VWA8: variants seen among roughly 807,000 people sequenced by gnomAD.
The protein encoded by VWA8 is von Willebrand factor A domain containing 8, also known as von Willebrand factor A domain-containing protein 8.
VWA8 carries 221 observed loss-of-function variants against 241.5 expected under a neutral mutation model. The observed-to-expected ratio is 0.91, with a 90% CI of 0.82 to 1.02. The LOEUF (loss-of-function observed/expected upper bound fraction) is 1.02. VWA8 is among the 50% of genes least tolerant of loss of function. The pLI, the probability that VWA8 is intolerant of heterozygous loss-of-function variation, is 0.00. For missense variants in VWA8, 2,322 were observed against 2,328.7 expected (o/e 1.00, Z 0.06); for synonymous variants, 852 against 827.1 (o/e 1.03, Z -0.52).
chr13:41,746,696 G>C (rs1367720318), intron 21 of VWA8, among the ~76,000 whole-genome samples: 1 of 152,162 alleles, frequency 6.6e-6, no homozygotes, highest in Non-Finnish European at 1.5e-5. Context: ...TAATATTCCA[G>C]CGAAGTGAAA....
At chr13:41,672,977 G>C (rs2045035833) in intron 36 of VWA8, among the ~76,000 whole-genome samples, 1 of 151,878 alleles carries the variant, frequency 6.6e-6, no homozygotes, top group Admixed American at 6.6e-5. Context: ...ACTCTTCATA[G>C]CAAAACTTTA....
intron 2 of VWA8, among the ~76,000 whole-genome samples, chr13:41,940,831 A>G (rs1877563443): frequency 2.0e-5 from 3 of 152,196 alleles, no homozygotes; most frequent in Non-Finnish European, 4.4e-5. Flanking sequence ...ATATGGTACC[A>G]TCATCATCTT....
At chr13:41,810,099 C>G (rs759215315) in intron 17 of VWA8, among the ~76,000 whole-genome samples, 1 of 151,856 alleles carries the variant, frequency 6.6e-6, no homozygotes, top group Non-Finnish European at 1.5e-5. Flanking sequence ...TAGGCAATAA[C>G]AAATACCAGC....
chr13:41,784,697 CATATATATATAT>C (rs59582293), intron 18 of VWA8, among the ~76,000 whole-genome samples: 589 of 57,036 alleles, frequency 0.01, 19 homozygotes, highest in East Asian at 0.037. Context: ...TATACATATA[CATATATATATAT>C]ATATATATAT....
intron 44 of VWA8, among the ~76,000 whole-genome samples, chr13:41,568,655 A>C (rs1256167610): frequency 6.6e-6 from 1 of 152,176 alleles, no homozygotes; most frequent in Non-Finnish European, 1.5e-5. Flanking sequence ...GAATCAGCTC[A>C]CCTCCCGGGT....
At chr13:41,909,529 A>T (rs578066057) in intron 3 of VWA8, among the ~76,000 whole-genome samples, 17 of 152,350 alleles carry the variant, frequency 1.1e-4, no homozygotes, top group Non-Finnish European at 1.8e-4. Context: ...TCTGGAACAC[A>T]TCACTAGTAT....
intron 17 of VWA8, among the ~76,000 whole-genome samples, chr13:41,792,790 TATTA>T (rs762767891): frequency 1.3e-5 from 2 of 152,088 alleles, no homozygotes; most frequent in Non-Finnish European, 2.9e-5. Flanking sequence ...ACATGATATT[TATTA>T]GATTATTCTT....
chr13:41,617,703 T>C (rs2044630466), intron 37 of VWA8, among the ~76,000 whole-genome samples: 3 of 152,116 alleles, frequency 2.0e-5, no homozygotes, highest in African/African-American at 2.4e-5. Context: ...AGTGTTCTCA[T>C]TGTTCAATTC....
At chr13:41,618,958 CT>C (rs1387986780) in intron 37 of VWA8, among the ~76,000 whole-genome samples, 1 of 152,192 alleles carries the variant, frequency 6.6e-6, no homozygotes, top group East Asian at 1.9e-4. Context: ...GCAATGTGGG[CT>C]CTTTTTTGTT....
chr13:41,738,717 A>G (rs1255842532), intron 21 of VWA8, among the ~76,000 whole-genome samples: 1 of 152,204 alleles, frequency 6.6e-6, no homozygotes, highest in African/African-American at 2.4e-5. Flanking sequence ...TCTTTGCAGT[A>G]ACATCATTTT....
At chr13:41,749,820 GTAA>G (rs1445935712) in intron 21 of VWA8, among the ~76,000 whole-genome samples, 6 of 142,480 alleles carry the variant, frequency 4.2e-5, no homozygotes, top group African/African-American at 1.0e-4. Context: ...TGGGAATTGA[GTAA>G]TGAGAACACT....
intron 3 of VWA8, among the ~76,000 whole-genome samples, chr13:41,910,452 G>T (rs2138111860): frequency 6.6e-6 from 1 of 152,084 alleles, no homozygotes; most frequent in South Asian, 2.1e-4. Context: ...GGGTGTGGTG[G>T]CATGCGTCAG....
At chr13:41,775,914 C>A (rs1249668788) in intron 20 of VWA8, among the ~76,000 whole-genome samples, 1 of 152,146 alleles carries the variant, frequency 6.6e-6, no homozygotes, top group Non-Finnish European at 1.5e-5. Context: ...ACTGGCTAGG[C>A]ATTAACTTCA....
Position 41,587,558 on chromosome 13 carries a change from AC to A in VWA8, c.5224del (p.Val1742CysfsTer34), listed in dbSNP as rs1310929568. On this transcript the variant is annotated frameshift_variant, in exon 42 of 45. Transcript: ENST00000379310. LOFTEE classifies it high-confidence loss of function. ...DGRLERTMEA[V>X]CMVMEAFENY... ...CTCGAAGGCTTCCATGACCATACAC[AC>A]AGCCTCCATTGTGCGCTCAAGCCGG... 7 of 1,614,188 alleles carry A rather than the reference AC, an allele frequency of 4.3e-6. No individual in the cohort carries two copies. Among genetic ancestry groups the A allele is most frequent in the Admixed American group, 3.3e-5 (2 of 60,024 alleles).
chr13:41,728,099 A>C (rs1566430998), intron 23 of VWA8, among the ~76,000 whole-genome samples: 1 of 152,054 alleles, frequency 6.6e-6, no homozygotes, highest in Non-Finnish European at 1.5e-5. Context: ...AAAAAATGAT[A>C]GTTGTGAAGT....
rs150286625 is a variant in VWA8 at position 41,836,605 on chromosome 13, T to C, written c.1426-3074A>G. Among the ~76,000 whole-genome samples the C allele has an allele frequency of 1.3e-3, 197 of 152,340 alleles. 2 individuals carry two copies. In the East Asian group the frequency reaches 0.032, roughly 25 times the overall value. On this transcript the variant is annotated intron_variant, in intron 12 of 44. Transcript: ENST00000379310. ...GTGCATGATATAAAAAAGCACTATT[T>C]CATTTGGTTATGATTCCAAAGTATT...
At chr13:41,849,499 C>T (rs543019883) in intron 12 of VWA8, among the ~76,000 whole-genome samples, 68 of 152,304 alleles carry the variant, frequency 4.5e-4, no homozygotes, top group Non-Finnish European at 7.8e-4. Flanking sequence ...AAACTCCTCA[C>T]ATTTGCAGTG....
At chr13:41,873,862 C>T (rs1472679508) in intron 9 of VWA8, among the ~76,000 whole-genome samples, 7 of 152,124 alleles carry the variant, frequency 4.6e-5, no homozygotes, top group Non-Finnish European at 1.0e-4. Flanking sequence ...GATACCAAAG[C>T]CGGGCAGAGA....
intron 23 of VWA8, among the ~76,000 whole-genome samples, 199 bp downstream of exon 23, chr13:41,729,343 G>C (rs1361743127): frequency 6.6e-6 from 1 of 152,052 alleles, no homozygotes; most frequent in East Asian, 1.9e-4. Context: ...TTTCAAAGAT[G>C]CTTGGTGGGT....
Sources: allele counts gnomAD v4.1 joint callset (sites outside exome capture counted in the v4.1 genomes callset), GRCh38; gene constraint gnomAD v4.1.1; transcripts MANE v1.5; gene names NCBI Gene and HGNC (gene_info 2026-07-23, HGNC 2026-07-21).